The following HMGCLL1 variants were observed in gnomAD, a reference collection of about 807,000 sequenced individuals.
HMGCLL1 encodes the protein 3-hydroxy-3-methylglutaryl-CoA lyase like 1.
A neutral mutation model predicts 39.1 loss-of-function variants in HMGCLL1; 36 were observed. The ratio of observed to expected loss-of-function variants is 0.92; its 90% confidence interval spans 0.71 to 1.22. HMGCLL1 has a LOEUF of 1.22. HMGCLL1 is among the 50% of genes most tolerant of loss of function. The pLI is 0.00. For missense variants in HMGCLL1, 451 were observed against 416.5 expected, an observed-to-expected ratio of 1.08 and a Z score of -0.72; for synonymous variants, 149 against 144.0, an observed-to-expected ratio of 1.03 and a Z score of -0.25.
At chr6:55,637,507 A>C in the HMGCLL1 span, among the ~76,000 whole-genome samples, 1 of 151,840 alleles carries the variant, frequency 6.6e-6, no homozygotes, top group Admixed American at 6.6e-5. Flanking sequence ...AACATCAGCA[A>C]CTCCCTTTTG....
intron 5 of HMGCLL1, among the ~76,000 whole-genome samples, chr6:55,509,720 A>G (rs181764780): frequency 1.3e-5 from 2 of 152,030 alleles, no homozygotes; most frequent in Admixed American, 1.3e-4. Context: ...AAACACAGGA[A>G]GAATTTCCTA....
chr6:55,617,381 T>G, the HMGCLL1 span, among the ~76,000 whole-genome samples: 1 of 152,060 alleles, frequency 6.6e-6, no homozygotes, highest in Non-Finnish European at 1.5e-5. Context: ...GTGAAGCATA[T>G]GCACAGAAGA....
At chr6:55,533,457 T>C (rs1324966491) in intron 3 of HMGCLL1, among the ~76,000 whole-genome samples, 1 of 152,190 alleles carries the variant, frequency 6.6e-6, no homozygotes, top group Non-Finnish European at 1.5e-5. Context: ...CTACTTTTCA[T>C]TTCTAGAGTA....
At chr6:55,584,186 G>C (rs1473421070), upstream of HMGCLL1, among the ~76,000 whole-genome samples, 1 of 152,102 alleles carries the variant, frequency 6.6e-6, no homozygotes. Flanking sequence ...TAATCTCCAC[G>C]ATAAGCTCCA....
chr6:55,596,727 C>T, the HMGCLL1 span, among the ~76,000 whole-genome samples: 1 of 152,140 alleles, frequency 6.6e-6, no homozygotes, highest in Admixed American at 6.6e-5. Context: ...TACGTATATA[C>T]TTAAAACAAA....
upstream of HMGCLL1, among the ~76,000 whole-genome samples, chr6:55,580,364 C>T (rs1771954178): frequency 1.4e-5 from 2 of 142,048 alleles, no homozygotes; most frequent in Admixed American, 1.4e-4. Flanking sequence ...TCATAGTCTT[C>T]TTCTCACAGT....
chr6:55,477,169 A>AT (rs1561903957), intron 7 of HMGCLL1, among the ~76,000 whole-genome samples: 2 of 46,202 alleles, frequency 4.3e-5, no homozygotes, highest in African/African-American at 2.1e-4. Context: ...ATTATAATAT[A>AT]ATATATATTA....
intron 3 of HMGCLL1, among the ~76,000 whole-genome samples, chr6:55,529,110 T>C (rs541022774): frequency 8.3e-4 from 126 of 152,274 alleles, no homozygotes; most frequent in Non-Finnish European, 1.5e-3. Context: ...TTGTTCAGGT[T>C]AATGCCTTTT....
At chr6:55,568,630 C>T (rs1029434592) in intron 1 of HMGCLL1, among the ~76,000 whole-genome samples, 1 of 152,166 alleles carries the variant, frequency 6.6e-6, no homozygotes, top group Admixed American at 6.5e-5. Context: ...AATACATAGT[C>T]AGAACAGTGG....
chr6:55,651,626 C>A, the HMGCLL1 span, among the ~76,000 whole-genome samples: 1 of 152,070 alleles, frequency 6.6e-6, no homozygotes, highest in East Asian at 1.9e-4. Context: ...CCCTAGTTCA[C>A]TGGCTCTAAG....
chr6:55,492,444 T>C (rs1456696660), intron 7 of HMGCLL1, among the ~76,000 whole-genome samples: 1 of 152,218 alleles, frequency 6.6e-6, no homozygotes, highest in Admixed American at 6.5e-5. Flanking sequence ...CCAGTCCACG[T>C]GTGTTTGCAG....
At chr6:55,523,756 C>A (rs531884726) in intron 3 of HMGCLL1, among the ~76,000 whole-genome samples, 9 of 151,924 alleles carry the variant, frequency 5.9e-5, no homozygotes, top group Admixed American at 2.6e-4. Flanking sequence ...CACTAACTGG[C>A]ACCAGAAGTA....
At chr6:55,456,587 C>A (rs1297147356) in intron 7 of HMGCLL1, among the ~76,000 whole-genome samples, 1 of 152,176 alleles carries the variant, frequency 6.6e-6, no homozygotes, top group Non-Finnish European at 1.5e-5. Flanking sequence ...TGGATTCCTA[C>A]AGAGTTCAGC....
rs1430998290 is a variant in HMGCLL1 at position 55,495,461 on chromosome 6, G to T, written c.753C>A (p.Asp251Glu). The change falls in exon 7 of 9, where the codon GAC (aspartate) becomes GAA (glutamate). Residue 251 changes from aspartate (D) to glutamate (E), a missense_variant. By Grantham distance (45) the Asp-to-Glu change is conservative (BLOSUM62 2). Transcript: ENST00000274901. ...TATTTGCTAAGGCTTGTCCGTATGT[G>T]TCATGACAGTGAACAGCAAGAGCAC... The part of the protein sequence containing the change: ...PPGALAVHCH[D>E]TYGQALANIL... 6.2e-7 allele frequency: 1 copy of T among 1,614,048 alleles called. No homozygotes were observed. The highest frequency in any genetic ancestry group is 2.2e-5 in the East Asian group (1 of 44,852).
At chr6:55,620,953 G>A in the HMGCLL1 span, among the ~76,000 whole-genome samples, 1 of 152,028 alleles carries the variant, frequency 6.6e-6, no homozygotes, top group Non-Finnish European at 1.5e-5. Flanking sequence ...GTTTATCTCT[G>A]TGTTCCATGT....
At chr6:55,531,757 G>A (rs577315855) in intron 3 of HMGCLL1, among the ~76,000 whole-genome samples, 1 of 152,190 alleles carries the variant, frequency 6.6e-6, no homozygotes, top group East Asian at 1.9e-4. Flanking sequence ...GGTCAGATCA[G>A]CAGCTGCATT....
chr6:55,636,766 T>C, the HMGCLL1 span, among the ~76,000 whole-genome samples: 1 of 152,120 alleles, frequency 6.6e-6, no homozygotes, highest in South Asian at 2.1e-4. Context: ...AAGAAAAAAG[T>C]TTAGGGTCAA....
At chr6:55,626,704 G>C in the HMGCLL1 span, among the ~76,000 whole-genome samples, 1 of 151,966 alleles carries the variant, frequency 6.6e-6, no homozygotes, top group Non-Finnish European at 1.5e-5. Context: ...CTAAGTTCCA[G>C]AGACAGGAAC....
the HMGCLL1 span, among the ~76,000 whole-genome samples, chr6:55,658,875 G>A: frequency 6.6e-6 from 1 of 151,826 alleles, no homozygotes; most frequent in East Asian, 2.0e-4. Context: ...GCATATTCTA[G>A]GATAGAATAT....
Sources: allele counts gnomAD v4.1 joint callset (sites outside exome capture counted in the v4.1 genomes callset), GRCh38; gene constraint gnomAD v4.1.1; transcripts MANE v1.5; gene names NCBI Gene and HGNC (gene_info 2026-07-23, HGNC 2026-07-21).